The following RRP1B variants were observed in gnomAD, a reference collection of about 807,000 sequenced individuals.
RRP1B encodes ribosomal RNA processing 1B.
RRP1B carries 56 observed loss-of-function variants against 80.2 expected under a neutral mutation model. The observed-to-expected ratio is 0.70, with a 90% CI of 0.56 to 0.87. RRP1B has a LOEUF of 0.87. Among genes scored for constraint, RRP1B ranks in the 40% least tolerant of loss-of-function variants. The pLI is 0.00. For synonymous variants in RRP1B, 351 were observed against 357.6 expected, an observed-to-expected ratio of 0.98 and a Z score of 0.21; for missense variants, 807 against 939.8, an observed-to-expected ratio of 0.86 and a Z score of 1.85.
At chr21:43,683,959 A>ACAGACTC (rs1346318266) in intron 9 of RRP1B, among the ~76,000 whole-genome samples, 2 of 125,042 alleles carry the variant, frequency 1.6e-5, no homozygotes, top group Non-Finnish European at 1.6e-5. Flanking sequence ...AGCCTGGGTG[A>ACAGACTC]CAGACTCTGG....
Position 43,670,441 on chromosome 21 carries a change from G to A in RRP1B, c.213+475G>A, listed in dbSNP as rs574817683. Among the ~76,000 whole-genome samples the A allele has an allele frequency of 7.9e-5, 12 of 152,350 alleles. No homozygotes were observed. The South Asian group carries it at 1.9e-3, about 24-fold the overall frequency. On this transcript the variant is annotated intron_variant, in intron 2 of 15. Coordinates refer to ENST00000340648, the MANE Select transcript of RRP1B (RefSeq NM_015056.3). Reference sequence around the variant, plus strand: ...TGCGCCTGCGCAGTCACCCAAACGCGCAGCAGGCTCGGTCTCTCTGTGCGG... The same window carrying A: ...TGCGCCTGCGCAGTCACCCAAACGCACAGCAGGCTCGGTCTCTCTGTGCGG...
chr21:43,668,439 C>T (rs191693627), intron 1 of RRP1B, among the ~76,000 whole-genome samples: 18 of 150,884 alleles, frequency 1.2e-4, no homozygotes, highest in African/African-American at 3.9e-4. Context: ...CAGCTCACTG[C>T]AAAGTGCAAA....
At chr21:43,686,770 G>T in intron 11 of RRP1B, 34 bp from the exon 12 acceptor site, 1 of 1,611,962 alleles carries the variant, frequency 6.2e-7, no homozygotes, top group South Asian at 1.1e-5. Context: ...TTGAGCGCCT[G>T]GGGAAGCTAA....
intron 4 of RRP1B, 55 bp from the exon 5 acceptor site, chr21:43,674,581 C>G: frequency 1.2e-6 from 1 of 837,710 alleles, no homozygotes; most frequent in East Asian, 3.3e-5. Flanking sequence ...TATTTCTTAC[C>G]TTTCCTTTTT....
chr21:43,671,091 T>C lies in RRP1B; in HGVS notation c.213+1125T>C, dbSNP rs1601753235. Among the ~76,000 whole-genome samples the C allele has an allele frequency of 2.0e-5, 3 of 152,274 alleles. 1 individual carries two copies. On this transcript the variant is annotated intron_variant, in intron 2 of 15. Transcript: ENST00000340648. The stretch of plus-strand genomic sequence containing the variant: ...CCGGGTGTGGTGTGAGTCAGACTGA[T>C]GAGGAGTGTGCTTTTCTCACGGAAC...
intron 13 of RRP1B, among the ~76,000 whole-genome samples, chr21:43,689,693 G>A (rs768827556): frequency 2.6e-5 from 4 of 152,230 alleles, no homozygotes; most frequent in Non-Finnish European, 5.9e-5. Flanking sequence ...CATCTGTCAT[G>A]GCACAGGGAA....
chr21:43,693,057 C>A lies in RRP1B; in HGVS notation c.2084-133C>A. The A allele has an allele frequency of 1.2e-6, 1 of 837,668 alleles. No individual in the cohort carries two copies. The highest frequency in any genetic ancestry group is 1.6e-5 in the South Asian group (1 of 62,832). 51.9% of individuals were successfully genotyped at this position (837,668 alleles called of 1,614,324 possible). ...AGAAGGCTCTTGGGCCTGCTCTCTG[C>A]AGGGCCTTGAGATGGCCCTGCTTCG... On this transcript the variant is annotated intron_variant, in intron 15 of 15. Coordinates refer to ENST00000340648, the MANE Select transcript of RRP1B (RefSeq NM_015056.3). This position sits in a 1 kb window ranked among gnomAD's most constrained non-coding sequence, Gnocchi z 4.1.
chr21:43,690,764 A>T (rs1328761088), intron 14 of RRP1B, among the ~76,000 whole-genome samples: 1 of 152,244 alleles, frequency 6.6e-6, no homozygotes, highest in Non-Finnish European at 1.5e-5. Flanking sequence ...AGTCAGCAGT[A>T]GGAGGTCCAC....
In RRP1B at chr21:43,690,285, T is replaced by C; in HGVS notation, c.1867-3T>C. The stretch of plus-strand genomic sequence containing the variant: ...CTCCGCTTCTCACCCCTCGCTCACG[T>C]AGGGAAGCAGTGGGACTTGCAGTTC... On this transcript the variant is annotated splice_polypyrimidine_tract_variant and splice_region_variant and intron_variant, in intron 13 of 15. Coordinates refer to ENST00000340648, the MANE Select transcript of RRP1B (RefSeq NM_015056.3). 1 of 1,614,104 alleles carries C rather than the reference T, an allele frequency of 6.2e-7. No homozygotes were observed. The highest frequency in any genetic ancestry group is 8.5e-7 in the Non-Finnish European group (1 of 1,179,976).
chr21:43,683,848 G>A (rs950740743), intron 9 of RRP1B, among the ~76,000 whole-genome samples: 2 of 151,258 alleles, frequency 1.3e-5, no homozygotes, highest in African/African-American at 4.9e-5. Flanking sequence ...ACACCGTGGC[G>A]CACGCCTGTA....
At chr21:43,664,989 G>A (rs1017579299) in intron 1 of RRP1B, among the ~76,000 whole-genome samples, 2 of 152,130 alleles carry the variant, frequency 1.3e-5, no homozygotes, top group African/African-American at 4.8e-5. Context: ...ATTTGGGTGG[G>A]GACACAGCCA....
chr21:43,687,927 C>A lies in RRP1B; in HGVS notation c.1553C>A (p.Ala518Asp). 1 of 1,613,268 alleles carries A rather than the reference C, an allele frequency of 6.2e-7. No individual in the cohort carries two copies. Among genetic ancestry groups the A allele is most frequent in the African/African-American group, 1.3e-5 (1 of 75,054 alleles). ...QGPRGSPTGG[A>D]QLLKRKRKLG... ...CCTAGAGGGTCCCCGACAGGTGGAGCCCAACTCCTAAAAAGGAAGCGGAAA... is the reference window on the plus strand; with the variant it reads ...CCTAGAGGGTCCCCGACAGGTGGAGACCAACTCCTAAAAAGGAAGCGGAAA... The change falls in exon 13 of 16, where the codon GCC becomes GAC. Residue 518 changes from alanine (A) to aspartate (D), a missense_variant. Transcript: ENST00000340648.
At chr21:43,681,811 C>T (rs1334704996) in intron 8 of RRP1B, among the ~76,000 whole-genome samples, 2 of 150,880 alleles carry the variant, frequency 1.3e-5, no homozygotes, top group African/African-American at 2.4e-5. Context: ...ATTAGCCAAG[C>T]GTGATGGCAC....
At chr21:43,685,898 A>G (rs1183477631) in intron 11 of RRP1B, 109 bp downstream of exon 11, 2 of 1,375,658 alleles carry the variant, frequency 1.5e-6, no homozygotes, top group East Asian at 2.4e-5. Flanking sequence ...CTTTACTGAA[A>G]ACCTCTGATA....
At chr21:43,676,946 C>A in intron 8 of RRP1B, 32 bp downstream of exon 8, 1 of 1,598,562 alleles carries the variant, frequency 6.3e-7, no homozygotes, top group South Asian at 1.1e-5. Context: ...GTGTAGCTTT[C>A]TTTCTGCTAA....
At chr21:43,685,740 AT>A (rs775233290) in intron 10 of RRP1B, 29 bp from the exon 11 acceptor site, 9 of 1,404,046 alleles carry the variant, frequency 6.4e-6, no homozygotes, top group South Asian at 4.5e-5. Context: ...TTATTTTTTT[AT>A]TTTTTATTTT....
rs928431718 is a variant in RRP1B, at chr21:43,659,874, G to A, written c.130+80G>A. The A allele has an allele frequency of 2.6e-5, 35 of 1,339,310 alleles. No individual in the cohort carries two copies. The highest frequency in any genetic ancestry group is 5.2e-4 in the Middle Eastern group (2 of 3,880). The allele number at this position is 1,339,310 out of a possible 1,614,324, so 83.0% of individuals were successfully genotyped here. ...GGGGCTAGGGCCAGGGCCCCGGCAC[G>A]GAATGCGGCTTCCACGTGTTGTCGT... On this transcript the variant is annotated intron_variant, in intron 1 of 15. Transcript: ENST00000340648. This position sits in a 1 kb window ranked among gnomAD's most constrained non-coding sequence, Gnocchi z 4.2.
chr21:43,692,885 T>C (rs1347230209), intron 15 of RRP1B, among the ~76,000 whole-genome samples: 1 of 152,146 alleles, frequency 6.6e-6, no homozygotes, highest in Non-Finnish European at 1.5e-5. Flanking sequence ...GGTTCACTCA[T>C]TGTCCAAAAC....
rs1568960150 is a variant in RRP1B at position 43,687,777 on chromosome 21, T to C, written c.1403T>C (p.Met468Thr). 3.7e-6 allele frequency: 6 copies of C among 1,613,194 alleles called. No individual in the cohort carries two copies. Among genetic ancestry groups the C allele is most frequent in the South Asian group, 3.3e-5 (3 of 91,086 alleles). ...SGSEHPPAVP[M>T]HNKRKRPRKK... The stretch of plus-strand genomic sequence containing the variant: ...TCCGAGCATCCTCCAGCCGTCCCCA[T>C]GCACAATAAAAGGAAACGGCCACGG... Residue 468 changes from methionine (M) to threonine (T), a missense_variant, in exon 13 of 16, where the codon ATG (methionine) becomes ACG (threonine). By Grantham distance (81) the Met-to-Thr change is moderately conservative. Coordinates refer to ENST00000340648, the MANE Select transcript of RRP1B (RefSeq NM_015056.3).
Sources: allele counts gnomAD v4.1 joint callset (sites outside exome capture counted in the v4.1 genomes callset), GRCh38; gene constraint gnomAD v4.1.1; non-coding constraint Gnocchi (gnomAD v3.1); transcripts MANE v1.5; gene names NCBI Gene and HGNC (gene_info 2026-07-23, HGNC 2026-07-21).